The following FRAS1 variants were observed in gnomAD, a reference collection of about 807,000 sequenced individuals.
FRAS1 encodes the protein extracellular matrix organizing protein FRAS1.
FRAS1 carries 290 observed loss-of-function variants against 435.2 expected under a neutral mutation model. The ratio of observed to expected loss-of-function variants is 0.67; its 90% CI spans 0.61 to 0.73. The LOEUF is 0.73. Among genes scored for constraint, FRAS1 ranks in the 30% least tolerant of loss-of-function variants. The pLI is 0.00. For missense variants in FRAS1, 4,860 were observed against 5,001.5 expected (o/e 0.97, Z 0.85); for synonymous variants, 1,800 against 1,851.0 (o/e 0.97, Z 0.71).
intron 59 of FRAS1, among the ~76,000 whole-genome samples, chr4:78,493,936 G>A (rs72659029): frequency 0.043 from 6,538 of 152,182 alleles, 154 homozygotes; most frequent in Non-Finnish European, 0.052. Flanking sequence ...GTTTCAGATG[G>A]TTGAGTCAGT....
At chr4:78,488,482 G>A (rs1720241943) in intron 58 of FRAS1, among the ~76,000 whole-genome samples, 1 of 152,106 alleles carries the variant, frequency 6.6e-6, no homozygotes, top group South Asian at 2.1e-4. Flanking sequence ...CCTTACTGTA[G>A]CCCTAGGAGG....
chr4:78,485,799 A>G (rs747567872), intron 58 of FRAS1, among the ~76,000 whole-genome samples: 5 of 152,228 alleles, frequency 3.3e-5, no homozygotes, highest in African/African-American at 4.8e-5. Context: ...TTCTGGTTTC[A>G]TATCCTACTA....
At chr4:78,212,743 C>G (rs973740229) in intron 2 of FRAS1, among the ~76,000 whole-genome samples, 1 of 152,194 alleles carries the variant, frequency 6.6e-6, no homozygotes, top group Non-Finnish European at 1.5e-5. Context: ...ATTGATTCTA[C>G]TTACTGTGAC....
chr4:78,322,715 G>C (rs1315705296), intron 18 of FRAS1, among the ~76,000 whole-genome samples: 1 of 152,124 alleles, frequency 6.6e-6, no homozygotes, highest in Non-Finnish European at 1.5e-5. Context: ...TCTGTGATGA[G>C]AGGACAAAAA....
intron 2 of FRAS1, among the ~76,000 whole-genome samples, chr4:78,126,099 CAGCAATGGCAGA>C (rs1719338231): frequency 6.6e-6 from 1 of 152,206 alleles, no homozygotes; most frequent in South Asian, 2.1e-4. Flanking sequence ...ACTCAAGCTT[CAGCAATGGCAGA>C]TGCCCCTCTG....
At chr4:78,421,831 G>T in intron 33 of FRAS1, 32 bp from the exon 34 acceptor site, 1 of 1,612,770 alleles carries the variant, frequency 6.2e-7, no homozygotes, top group Non-Finnish European at 8.5e-7. Context: ...GAGAATTACT[G>T]TTGATGCTGA....
chr4:78,477,527 A>G (rs1719886326), intron 54 of FRAS1, among the ~76,000 whole-genome samples: 1 of 152,188 alleles, frequency 6.6e-6, no homozygotes, highest in Non-Finnish European at 1.5e-5. Flanking sequence ...ATAATAAGAC[A>G]GGCTATAAAG....
At position 78,058,029 on chromosome 4, in the gene FRAS1, G is replaced by A. The variant is rs1739553694; in HGVS notation, c.20G>A (p.Trp7Ter). The A allele has an allele frequency of 6.2e-7, 1 of 1,613,880 alleles. No homozygotes were observed. The change falls in exon 1 of 74, where the codon TGG becomes TAG. Residue 7 changes from tryptophan to a stop codon, truncating the protein, a stop_gained. Coordinates refer to ENST00000512123, the MANE Select transcript of FRAS1 (RefSeq NM_025074.7). LOFTEE classifies it high-confidence loss of function. MGVLKV[W>*]LGLALALAEF... ...GCGGCGATGGGTGTCCTCAAAGTGT[G>A]GCTCGGGCTGGCCCTAGCGTTGGCG... is the stretch of plus-strand genomic sequence containing the variant.
intron 14 of FRAS1, among the ~76,000 whole-genome samples, chr4:78,290,235 G>A (rs1435523306): frequency 3.3e-5 from 5 of 152,138 alleles, no homozygotes; most frequent in South Asian, 2.1e-4. Flanking sequence ...GAAAGAGTAC[G>A]ATTTAGCCCA....
chr4:78,278,860 T>G, intron 10 of FRAS1, 116 bp downstream of exon 10: 1 of 676,894 alleles, frequency 1.5e-6, no homozygotes, highest in Non-Finnish European at 2.6e-6. Context: ...AATGTTATTG[T>G]GCACCTACTG....
intron 59 of FRAS1, among the ~76,000 whole-genome samples, chr4:78,489,694 A>C (rs1254037926): frequency 6.6e-6 from 1 of 152,214 alleles, no homozygotes; most frequent in Non-Finnish European, 1.5e-5. Flanking sequence ...GATGTGTGAC[A>C]TATTTGGAAC....
intron 2 of FRAS1, among the ~76,000 whole-genome samples, chr4:78,093,591 C>T (rs969029332): frequency 6.6e-6 from 1 of 152,158 alleles, no homozygotes; most frequent in Non-Finnish European, 1.5e-5. Flanking sequence ...ATCTGAACTA[C>T]CAGATCTGAT....
intron 44 of FRAS1, 71 bp from the exon 45 acceptor site, chr4:78,450,080 C>A: frequency 1.5e-6 from 2 of 1,292,494 alleles, no homozygotes; most frequent in East Asian, 2.3e-5. Flanking sequence ...CTCCAGTCTC[C>A]TAAAATCATT....
chr4:78,407,895 G>A (rs1204884780), intron 31 of FRAS1, 54 bp downstream of exon 31: 30 of 1,418,024 alleles, frequency 2.1e-5, no homozygotes, highest in Admixed American at 7.5e-5. Context: ...TAATCCAATC[G>A]CTCTTATTTA....
intron 2 of FRAS1, among the ~76,000 whole-genome samples, chr4:78,206,131 A>G (rs1379153192): frequency 1.3e-5 from 2 of 152,152 alleles, no homozygotes; most frequent in Admixed American, 1.3e-4. Flanking sequence ...TGAAATTAAG[A>G]TAAGGATCTT....
chr4:78,283,199 A>C (rs548545723), intron 12 of FRAS1, among the ~76,000 whole-genome samples: 1 of 152,352 alleles, frequency 6.6e-6, no homozygotes, highest in African/African-American at 2.4e-5. Flanking sequence ...GACCCTCTTT[A>C]AACCTTAATT....
At chr4:78,280,611 A>G (rs1727287551) in intron 10 of FRAS1, among the ~76,000 whole-genome samples, 1 of 146,720 alleles carries the variant, frequency 6.8e-6, no homozygotes, top group South Asian at 2.1e-4. Flanking sequence ...TGGGTAAATT[A>G]CATCTGTCAA....
At chr4:78,115,734 G>A (rs1485195047) in intron 2 of FRAS1, among the ~76,000 whole-genome samples, 1 of 151,412 alleles carries the variant, frequency 6.6e-6, no homozygotes, top group East Asian at 1.9e-4. Flanking sequence ...TTCTTTATTA[G>A]TCTTGATAGT....
In FRAS1 at chr4:78,243,750, T is replaced by A. The variant is rs550519779; in HGVS notation, c.217-1483T>A. Among the ~76,000 whole-genome samples, 10 of 152,194 alleles carry A rather than the reference T, an allele frequency of 6.6e-5. No homozygotes were observed. The East Asian group carries it at 1.9e-3, about 29-fold the overall frequency. ...TATAAAATGAGCTTTGAGGGCTAAA[T>A]CTGAAAGTTAGCTTTTATGTAAAAC... On this transcript the variant is annotated intron_variant, in intron 3 of 73. Coordinates refer to ENST00000512123, the MANE Select transcript of FRAS1 (RefSeq NM_025074.7).
Sources: allele counts gnomAD v4.1 joint callset (sites outside exome capture counted in the v4.1 genomes callset), GRCh38; gene constraint gnomAD v4.1.1; transcripts MANE v1.5; gene names NCBI Gene and HGNC (gene_info 2026-07-23, HGNC 2026-07-21).